WIPF3: variants seen among roughly 807,000 people sequenced by gnomAD.
The protein encoded by WIPF3 is WAS/WASL interacting protein family member 3, also known as WAS/WASL-interacting protein family member 3.
WIPF3 carries 33 observed loss-of-function variants against 38.9 expected under a neutral mutation model. The ratio of observed to expected loss-of-function variants is 0.85; its 90% CI spans 0.64 to 1.14. WIPF3 has a LOEUF of 1.14. WIPF3 is among the 50% of genes most tolerant of loss of function. The probability of loss-of-function intolerance (pLI) is 0.00; values close to 1 mark genes in which losing one functional copy is unlikely to be tolerated. For missense variants in WIPF3, 711 were observed against 652.5 expected (o/e 1.09, Z -0.98); for synonymous variants, 324 against 269.3 (o/e 1.20, Z -1.99).
chr7:29,845,081 G>T (rs10252599), intron 2 of WIPF3, among the ~76,000 whole-genome samples: 16,298 of 139,458 alleles, frequency 0.12, 971 homozygotes, highest in African/African-American at 0.16. Flanking sequence ...TTGCTTTTTG[G>T]TTCTTCCACC....
intron 7 of WIPF3, among the ~76,000 whole-genome samples, chr7:29,902,954 A>G (rs1000522129): frequency 6.6e-6 from 1 of 152,170 alleles, no homozygotes; most frequent in Non-Finnish European, 1.5e-5. Flanking sequence ...AGTTGAGATC[A>G]TTCTATTTAT....
chr7:29,865,694 G>A (rs1033480983), intron 2 of WIPF3, among the ~76,000 whole-genome samples: 1 of 152,172 alleles, frequency 6.6e-6, no homozygotes, highest in Non-Finnish European at 1.5e-5. Flanking sequence ...GAGAGATTTG[G>A]AAGAAGGTTC....
intron 2 of WIPF3, among the ~76,000 whole-genome samples, chr7:29,845,600 C>T (rs2128067594): frequency 6.6e-6 from 1 of 152,334 alleles, no homozygotes; most frequent in South Asian, 2.1e-4. Context: ...TTTAAAGAGC[C>T]CTCTTGCCCT....
intron 2 of WIPF3, among the ~76,000 whole-genome samples, chr7:29,861,135 A>G (rs1043139027): frequency 1.3e-5 from 2 of 152,150 alleles, no homozygotes; most frequent in Non-Finnish European, 2.9e-5. Flanking sequence ...TAGGTGTTTC[A>G]GCTCATTCCT....
chr7:29,812,295 A>G (rs562588413), intron 1 of WIPF3, among the ~76,000 whole-genome samples: 1 of 152,244 alleles, frequency 6.6e-6, no homozygotes, highest in Non-Finnish European at 1.5e-5. Context: ...GCACACACCC[A>G]AATCTGGCTT....
At chr7:29,859,383 G>A (rs1225409240) in intron 2 of WIPF3, among the ~76,000 whole-genome samples, 8 of 152,164 alleles carry the variant, frequency 5.3e-5, no homozygotes, top group Non-Finnish European at 1.0e-4. Flanking sequence ...TGCTCAGTGT[G>A]AGGGTGTTGA....
chr7:29,837,565 CCTT>C (rs1348160044), intron 2 of WIPF3, among the ~76,000 whole-genome samples: 4 of 152,080 alleles, frequency 2.6e-5, no homozygotes, highest in Non-Finnish European at 4.4e-5. Flanking sequence ...TGAATTCTCT[CCTT>C]CATTTCTCTC....
At chr7:29,830,845 G>A (rs1222052980) in intron 1 of WIPF3, among the ~76,000 whole-genome samples, 3 of 152,126 alleles carry the variant, frequency 2.0e-5, no homozygotes, top group South Asian at 2.1e-4. Flanking sequence ...AGCACCTACC[G>A]GGTGGGAGAG....
At chr7:29,854,788 G>A (rs1785162153) in intron 2 of WIPF3, among the ~76,000 whole-genome samples, 1 of 152,204 alleles carries the variant, frequency 6.6e-6, no homozygotes, top group Non-Finnish European at 1.5e-5. Context: ...CAGTGCCTCA[G>A]AATGTATTTA....
intron 7 of WIPF3, among the ~76,000 whole-genome samples, chr7:29,900,958 A>G (rs1473808448): frequency 3.3e-5 from 5 of 152,106 alleles, no homozygotes; most frequent in African/African-American, 1.2e-4. Context: ...CCTGGCTCAC[A>G]GGAATTGCAG....
intron 7 of WIPF3, among the ~76,000 whole-genome samples, chr7:29,901,857 A>G (rs1312802020): frequency 1.3e-5 from 2 of 150,918 alleles, no homozygotes; most frequent in South Asian, 2.1e-4. Context: ...AAAGAAAGAA[A>G]GAAAGAAAAG....
Position 29,884,011 on chromosome 7 carries a change from G to GCCCCCCCCCCCC in WIPF3, c.521_522insCCCCCCCCCCCC (p.Pro174_Pro177dup). On this transcript the variant is annotated inframe_insertion, in exon 5 of 9. Transcript: ENST00000242140. ...AGCCCCGCCTCGCCCCAACGTGCCT[G>GCCCCCCCCCCCC]CCCCGCCCCCTCCCACCCCACCCCC... is the stretch of plus-strand genomic sequence containing the variant. 7.0e-7 allele frequency: 1 copy of GCCCCCCCCCCCC among 1,430,664 alleles called. No homozygotes were observed. Among genetic ancestry groups the GCCCCCCCCCCCC allele is most frequent in the Non-Finnish European group, 9.2e-7 (1 of 1,084,356 alleles). 88.6% of individuals were successfully genotyped at this position (1,430,664 alleles called of 1,614,324 possible).
chr7:29,888,484 A>ATGCGT (rs1562787219), intron 6 of WIPF3, among the ~76,000 whole-genome samples: 1 of 143,534 alleles, frequency 7.0e-6, no homozygotes, highest in South Asian at 2.2e-4. Flanking sequence ...AAACTGTGTG[A>ATGCGT]GTGTGTGTGC....
intron 2 of WIPF3, among the ~76,000 whole-genome samples, chr7:29,849,540 G>A (rs531884509): frequency 6.6e-6 from 1 of 152,282 alleles, no homozygotes; most frequent in East Asian, 1.9e-4. Flanking sequence ...CACCAGATAT[G>A]GAAGAATTTT....
chr7:29,857,569 C>T (rs1466631495), intron 2 of WIPF3, among the ~76,000 whole-genome samples: 1 of 152,002 alleles, frequency 6.6e-6, no homozygotes, highest in Non-Finnish European at 1.5e-5. Flanking sequence ...AAGGAGAAGA[C>T]ACACTTTTCA....
intron 1 of WIPF3, among the ~76,000 whole-genome samples, chr7:29,822,161 T>C (rs6955101): frequency 0.3 from 37,815 of 126,204 alleles, 6,271 homozygotes; most frequent in African/African-American, 0.43. Context: ...GATCTTATAC[T>C]GGTTCTCTTT....
chr7:29,915,077 A>ATTTTTTT lies in WIPF3; in HGVS notation c.*584_*590dup, dbSNP rs149325811. 1.7e-5 allele frequency: 1 copy of ATTTTTTT among 59,368 alleles called. No homozygotes were observed. Among genetic ancestry groups the ATTTTTTT allele is most frequent in the Non-Finnish European group, 2.9e-5 (1 of 34,604 alleles). The allele number at this position is 59,368 out of a possible 1,614,324, so 3.7% of individuals were successfully genotyped here. On this transcript the variant is annotated 3_prime_UTR_variant, in exon 9 of 9. Transcript: ENST00000242140. ...TCGCTTCCATTTTGCAGTACAGGGA[A>ATTTTTTT]TTTTTTTTTTTTTTTTTTTTTTTTT...
intron 7 of WIPF3, among the ~76,000 whole-genome samples, chr7:29,890,393 A>T (rs1278536605): frequency 6.8e-6 from 1 of 147,502 alleles, no homozygotes; most frequent in African/African-American, 2.5e-5. Context: ...GAATGAGGTG[A>T]TGAGGTGGAA....
intron 8 of WIPF3, among the ~76,000 whole-genome samples, chr7:29,910,270 A>G (rs749138117): frequency 2.0e-5 from 3 of 152,214 alleles, no homozygotes; most frequent in Admixed American, 6.5e-5. Context: ...ACTAGTAAGG[A>G]CATTTAACCA....
Sources: gnomAD v4.1 joint callset for allele counts (sites outside exome capture counted in the v4.1 genomes callset) on GRCh38, gnomAD v4.1.1 for gene constraint, MANE v1.5 for transcripts, NCBI Gene and HGNC (gene_info 2026-07-23, HGNC 2026-07-21) for gene names.